NLGN1: variants seen among roughly 807,000 people sequenced by gnomAD.
NLGN1 encodes the protein neuroligin 1.
Under a neutral mutation model 65.5 loss-of-function variants are expected in NLGN1, and 12 were observed. The observed-to-expected ratio is 0.18, with a 90% CI of 0.12 to 0.30. The LOEUF (loss-of-function observed/expected upper bound fraction) is 0.30. Ranked by LOEUF, NLGN1 falls within the 10% of genes least tolerant of loss-of-function variation. The probability of loss-of-function intolerance (pLI) is 1.00; values close to 1 mark genes in which losing one functional copy is unlikely to be tolerated. For synonymous variants in NLGN1, 350 were observed against 359.5 expected (o/e 0.97, Z 0.30); for missense variants, 750 against 1,007.1 (o/e 0.74, Z 3.46).
chr3:174,269,264 G>C (rs1351610364), intron 4 of NLGN1, among the ~76,000 whole-genome samples: 1 of 151,712 alleles, frequency 6.6e-6, no homozygotes, highest in South Asian at 2.1e-4. Context: ...TATTCACATT[G>C]TTTAGCAACA....
At chr3:174,103,458 A>G (rs1055073320) in intron 4 of NLGN1, among the ~76,000 whole-genome samples, 7 of 152,136 alleles carry the variant, frequency 4.6e-5, no homozygotes, top group Non-Finnish European at 8.8e-5. Context: ...ATAGCCAGAG[A>G]ATCTTGCCAT....
intron 4 of NLGN1, among the ~76,000 whole-genome samples, chr3:173,995,828 C>T (rs553437382): frequency 9.9e-5 from 15 of 151,496 alleles, no homozygotes; most frequent in Non-Finnish European, 1.6e-4. Context: ...CTGGGACTCC[C>T]GGTGCACATA....
intron 4 of NLGN1, among the ~76,000 whole-genome samples, chr3:174,263,415 T>C (rs1468658326): frequency 2.0e-5 from 3 of 150,416 alleles, no homozygotes; most frequent in African/African-American, 7.4e-5. Context: ...TCTTATTGAA[T>C]TGATCCCTTT....
intron 3 of NLGN1, among the ~76,000 whole-genome samples, chr3:173,630,055 T>C (rs1755439379): frequency 1.3e-5 from 2 of 152,138 alleles, no homozygotes; most frequent in Admixed American, 1.3e-4. Context: ...TGCTTGTCTT[T>C]AGAATAAACT....
At chr3:173,643,153 TAGAG>T (rs908670554) in intron 3 of NLGN1, among the ~76,000 whole-genome samples, 11 of 151,858 alleles carry the variant, frequency 7.2e-5, no homozygotes, top group African/African-American at 4.8e-5. Flanking sequence ...TTTAGAAAAA[TAGAG>T]AGAGCTTTGG....
At chr3:173,654,541 A>G (rs1372430667) in intron 3 of NLGN1, among the ~76,000 whole-genome samples, 1 of 152,166 alleles carries the variant, frequency 6.6e-6, no homozygotes, top group South Asian at 2.1e-4. Flanking sequence ...TAGGGATTAC[A>G]TTATTACATT....
At chr3:173,585,723 A>G (rs368837537) in intron 2 of NLGN1, among the ~76,000 whole-genome samples, 5 of 152,364 alleles carry the variant, frequency 3.3e-5, no homozygotes, top group Admixed American at 1.3e-4. Context: ...TGCGCCAGGC[A>G]GACGGCTGCA....
intron 4 of NLGN1, among the ~76,000 whole-genome samples, chr3:174,079,893 A>C (rs1230510824): frequency 6.6e-6 from 1 of 152,084 alleles, no homozygotes; most frequent in African/African-American, 2.4e-5. Flanking sequence ...TGAAGGGTGG[A>C]GGATGGAAGG....
chr3:173,734,443 C>CTGAAGTGCAG lies in NLGN1; in HGVS notation c.494-73234_494-73225dup, dbSNP rs563401174. Reference sequence around the variant, plus strand: ...ACAGGGTTTCACCCTGTGGCCCAGGCTGAAGTGCAGTGGCTCAATCATAGC... The same window carrying CTGAAGTGCAG: ...ACAGGGTTTCACCCTGTGGCCCAGGCTGAAGTGCAGTGAAGTGCAGTGGCTCAATCATAGC... On this transcript the variant is annotated intron_variant, in intron 3 of 6. Transcript: ENST00000457714. 7.8e-3 allele frequency among the ~76,000 whole-genome samples: 955 copies of CTGAAGTGCAG among 122,294 alleles called. 7 individuals are homozygous for CTGAAGTGCAG. The highest frequency in any genetic ancestry group is 0.029 in the African/African-American group (917 of 31,740). 80.2% of individuals were successfully genotyped at this position (122,294 alleles called of 152,430 possible). A position where few individuals can be genotyped will look rare whatever the true frequency, so the allele number is the denominator to read the frequency against.
At chr3:173,605,012 C>T in exon 3 of NLGN1, 1 of 1,613,426 alleles carries the variant, frequency 6.2e-7, no homozygotes, top group Non-Finnish European at 8.5e-7. Flanking sequence ...TTACTAATAA[C>T]TTGGATGTGG....
At chr3:174,122,968 A>G (rs1263363117) in intron 4 of NLGN1, among the ~76,000 whole-genome samples, 1 of 152,116 alleles carries the variant, frequency 6.6e-6, no homozygotes, top group Non-Finnish European at 1.5e-5. Context: ...GACAAGGAGA[A>G]AGCTTTTTTA....
At chr3:174,051,213 G>A (rs1281914183) in intron 4 of NLGN1, among the ~76,000 whole-genome samples, 1 of 152,040 alleles carries the variant, frequency 6.6e-6, no homozygotes, top group East Asian at 1.9e-4. Context: ...ACTCACCTAA[G>A]TTTCCCCTTG....
At chr3:173,956,026 AT>A (rs1204511906) in intron 4 of NLGN1, among the ~76,000 whole-genome samples, 1 of 152,118 alleles carries the variant, frequency 6.6e-6, no homozygotes, top group African/African-American at 2.4e-5. Flanking sequence ...TAGAGAATAC[AT>A]TTTTTAAAAT....
At chr3:173,730,013 A>G (rs1250742882) in intron 3 of NLGN1, among the ~76,000 whole-genome samples, 4 of 151,964 alleles carry the variant, frequency 2.6e-5, no homozygotes, top group African/African-American at 7.2e-5. Flanking sequence ...GTTTGGTGCT[A>G]GAAAAATGCA....
At chr3:173,890,999 A>G (rs2152127432) in intron 4 of NLGN1, among the ~76,000 whole-genome samples, 1 of 152,334 alleles carries the variant, frequency 6.6e-6, no homozygotes, top group East Asian at 1.9e-4. Context: ...TGGACTGAAG[A>G]CAAGTGGAGA....
At chr3:173,720,315 T>C (rs919530556) in intron 3 of NLGN1, among the ~76,000 whole-genome samples, 1 of 152,082 alleles carries the variant, frequency 6.6e-6, no homozygotes, top group Non-Finnish European at 1.5e-5. Context: ...ATAACTTAGT[T>C]GTTTGAAACT....
chr3:173,683,856 ATT>A (rs1354807103), intron 3 of NLGN1, among the ~76,000 whole-genome samples: 1 of 152,160 alleles, frequency 6.6e-6, no homozygotes, highest in African/African-American at 2.4e-5. Context: ...TATTGTCACC[ATT>A]TTGCAGATAA....
At chr3:174,171,743 T>G (rs1728573770) in intron 4 of NLGN1, among the ~76,000 whole-genome samples, 1 of 152,094 alleles carries the variant, frequency 6.6e-6, no homozygotes, top group African/African-American at 2.4e-5. Flanking sequence ...AAACATTTAG[T>G]TATATCAATT....
At chr3:174,216,300 A>G (rs954517301) in intron 4 of NLGN1, among the ~76,000 whole-genome samples, 7 of 152,104 alleles carry the variant, frequency 4.6e-5, no homozygotes, top group African/African-American at 1.7e-4. Flanking sequence ...GAGAGAGACA[A>G]ATAGAGGGAC....
Sources: gnomAD v4.1 joint callset for allele counts (sites outside exome capture counted in the v4.1 genomes callset) on GRCh38, gnomAD v4.1.1 for gene constraint, MANE v1.5 for transcripts, NCBI Gene and HGNC (gene_info 2026-07-23, HGNC 2026-07-21) for gene names.